The following IGFN1 variants were observed in gnomAD, a reference collection of about 807,000 sequenced individuals.
IGFN1 encodes the protein immunoglobulin-like and fibronectin type III domain-containing protein 1.
Under a neutral mutation model 289.5 loss-of-function variants are expected in IGFN1, and 253 were observed. The ratio of observed to expected loss-of-function variants is 0.87; its 90% CI spans 0.79 to 0.97. IGFN1 has a LOEUF of 0.97. Ranked by LOEUF, IGFN1 falls within the 50% of genes least tolerant of loss-of-function variation. IGFN1 has a pLI of 0.00. For missense variants in IGFN1, 4,470 were observed against 4,686.1 expected, an observed-to-expected ratio of 0.95 and a Z score of 1.35; for synonymous variants, 1,706 against 1,788.5, an observed-to-expected ratio of 0.95 and a Z score of 1.16.
rs995510775 is a variant in IGFN1 at position 201,212,624 on chromosome 1, TG to T, written c.7735del (p.Asp2579ThrfsTer9). On this transcript the variant is annotated frameshift_variant, in exon 12 of 24. Coordinates refer to ENST00000335211, the MANE Select transcript of IGFN1 (RefSeq NM_001164586.2). LOFTEE classifies it high-confidence loss of function. Reference sequence around the variant, plus strand: ...AGGGGGGGTTGGCATCTCAGGGAGGTGGGGACTCACTTTTGGGAGGCAGAAG... The same window carrying T: ...AGGGGGGGTTGGCATCTCAGGGAGGTGGGACTCACTTTTGGGAGGCAGAAG... The part of the protein sequence containing the change: ...GQGGLASQGG[G>X]DSLLGGRRVG... 1.3e-6 allele frequency: 2 copies of T among 1,539,736 alleles called. No individual in the cohort carries two copies. Among genetic ancestry groups the T allele is most frequent in the African/African-American group, 2.8e-5 (2 of 71,610 alleles).
At chr1:201,223,607 A>G (rs1159552315) in intron 20 of IGFN1, among the ~76,000 whole-genome samples, 1 of 152,034 alleles carries the variant, frequency 6.6e-6, no homozygotes, top group Admixed American at 6.6e-5. Context: ...TCCTGACCTC[A>G]CGTAGTCTGC....
At position 201,207,573 on chromosome 1, in the gene IGFN1, C is replaced by T. The variant is rs1461854438; in HGVS notation, c.2680C>T (p.Pro894Ser). The T allele has an allele frequency of 2.0e-6, 3 of 1,536,752 alleles. No homozygotes were observed. The highest frequency in any genetic ancestry group is 1.4e-5 in the African/African-American group (1 of 72,950). The change falls in exon 12 of 24, where the codon CCA becomes TCA. Residue 894 changes from proline to serine, a missense_variant. This residue lies in a region of IGFN1 where 2,011 missense variants were observed against 1,953.4 expected (regional missense o/e 1.03). Transcript: ENST00000335211. ...CAGAAGCCACTGGCTAAGTAGGGCT[C>T]CAGGCCTGGGTGCTCAGGGATCTGG... ...DARSHWLSRA[P>S]GLGAQGSGGT...
chr1:201,206,816 G>A lies in IGFN1; in HGVS notation c.1923G>A (p.Gly641=), dbSNP rs778950295. ...QDDSLAEMDR[G]DAPSRERGRG... is the part of the protein sequence containing the mutation. The stretch of plus-strand genomic sequence containing the variant: ...ACAGCCTGGCTGAGATGGACAGAGG[G>A]GATGCTCCAAGTAGGGAAAGGGGGA... Residue 641 remains glycine, a synonymous_variant, in exon 12 of 24, where the codon GGG becomes GGA. Transcript: ENST00000335211. 8 of 1,536,992 alleles carry A rather than the reference G, an allele frequency of 5.2e-6. No individual in the cohort carries two copies. Among genetic ancestry groups the A allele is most frequent in the Admixed American group, 2.0e-5 (1 of 50,994 alleles).
Position 201,216,441 on chromosome 1 carries a change from T to G in IGFN1, c.9296-13T>G. 1 of 1,534,612 alleles carries G rather than the reference T, an allele frequency of 6.5e-7. No homozygotes were observed. The highest frequency in any genetic ancestry group is 8.7e-7 in the Non-Finnish European group (1 of 1,145,664). ...GACCCCTCCTCTTCCCGCTCCTCTC[T>G]GTGGGTCCCCAGACAAGCCTGATCC... On this transcript the variant is annotated splice_polypyrimidine_tract_variant and intron_variant, in intron 15 of 23. Transcript: ENST00000335211.
rs1394245031 is a variant in IGFN1, at chr1:201,206,704, G to A, written c.1811G>A (p.Gly604Glu). The A allele has an allele frequency of 1.3e-6, 2 of 1,536,938 alleles. No homozygotes were observed. The highest frequency in any genetic ancestry group is 1.7e-6 in the Non-Finnish European group (2 of 1,146,912). ...EQLWDARLGP[G>E]RGKSDLQGCQ... Reference sequence around the variant, plus strand: ...CTGTGGGATGCTCGACTGGGACCTGGGAGAGGAAAGAGCGACCTGCAGGGA... The same window carrying A: ...CTGTGGGATGCTCGACTGGGACCTGAGAGAGGAAAGAGCGACCTGCAGGGA... Residue 604 changes from glycine (G) to glutamate (E), a missense_variant, in exon 12 of 24, where the codon GGG (glycine) becomes GAG (glutamate). Gly to Glu is a moderately conservative substitution (Grantham distance 98, BLOSUM62 -2). Transcript: ENST00000335211.
At position 201,212,902 on chromosome 1, in the gene IGFN1, G is replaced by T. The variant is rs558891833; in HGVS notation, c.8009G>T (p.Gly2670Val). Reference protein sequence around the residue: ...AFGGTHEGPGGFKGGEGAPGQ... With the variant: ...AFGGTHEGPGVFKGGEGAPGQ... ...GGTGGGACCCATGAAGGGCCAGGGG[G>T]CTTTAAGGGTGGGGAGGGTGCACCA... The change falls in exon 12 of 24, where the codon GGC becomes GTC. Residue 2670 changes from glycine to valine, a missense_variant. Coordinates refer to ENST00000335211, the MANE Select transcript of IGFN1 (RefSeq NM_001164586.2). 4 of 1,551,456 alleles carry T rather than the reference G, an allele frequency of 2.6e-6. No individual in the cohort carries two copies. The highest frequency in any genetic ancestry group is 8.7e-7 in the Non-Finnish European group (1 of 1,146,972).
intron 3 of IGFN1, among the ~76,000 whole-genome samples, chr1:201,194,679 C>A (rs926017025): frequency 5.3e-5 from 8 of 152,212 alleles, no homozygotes; most frequent in Non-Finnish European, 1.2e-4. Context: ...GGCAGCAGCA[C>A]CTGCTGTGGC....
chr1:201,197,131 C>T (rs1666954008), intron 4 of IGFN1, 87 bp from the exon 5 acceptor site: 1 of 794,508 alleles, frequency 1.3e-6, no homozygotes, highest in Non-Finnish European at 2.1e-6. Context: ...GTCTTACTCA[C>T]TTTATACCCC....
rs1667720034 is a variant in IGFN1, at chr1:201,210,776, T to C, written c.5883T>C (p.Gly1961=). ...AAATGGGGTCAGTGAATAAGGCAGG[T>C]TATAGGAAGGATTTGGGGGCTCCTA... The part of the protein sequence containing the change: ...SEEMGSVNKA[G]YRKDLGAPKG... Residue 1961 remains glycine (G), a synonymous_variant, in exon 12 of 24, where the codon GGT becomes GGC. Transcript: ENST00000335211. 2.0e-6 allele frequency: 3 copies of C among 1,528,106 alleles called. No individual in the cohort carries two copies. The highest frequency in any genetic ancestry group is 1.7e-6 in the Non-Finnish European group (2 of 1,143,852). 94.7% of individuals were successfully genotyped at this position (1,528,106 alleles called of 1,614,324 possible). A position where few individuals can be genotyped will look rare whatever the true frequency, so the allele number is the denominator to read the frequency against.
intron 20 of IGFN1, among the ~76,000 whole-genome samples, 196 bp from the exon 21 acceptor site, chr1:201,224,483 C>A (rs145337333): frequency 6.6e-6 from 1 of 152,160 alleles, no homozygotes; most frequent in African/African-American, 2.4e-5. Context: ...CTACCATACC[C>A]GCCTGCCAAC....
At position 201,225,314 on chromosome 1, in the gene IGFN1, T is replaced by A. The variant is rs146463290; in HGVS notation, c.10486+440T>A. On this transcript the variant is annotated intron_variant, in intron 21 of 23. Coordinates refer to ENST00000335211, the MANE Select transcript of IGFN1 (RefSeq NM_001164586.2). ...CAGAAATGATCAAATAGACTAACAG[T>A]GGGGGCTCTGTAATGCAGCTTCATG... 3.8e-3 allele frequency among the ~76,000 whole-genome samples: 584 copies of A among 152,288 alleles called. 4 individuals carry two copies. Among genetic ancestry groups the A allele is most frequent in the Admixed American group, 7.1e-3 (108 of 15,300 alleles).
At position 201,201,700 on chromosome 1, in the gene IGFN1, G is replaced by A. The variant is rs1558136631; in HGVS notation, c.634-19G>A. The A allele has an allele frequency of 4.5e-6, 6 of 1,322,068 alleles. No individual in the cohort carries two copies. Among genetic ancestry groups the A allele is most frequent in the East Asian group, 2.5e-5 (1 of 39,874 alleles). The allele number at this position is 1,322,068 out of a possible 1,614,324, so 81.9% of individuals were successfully genotyped here. ...AGAGCTTCATGAGCTCTCCTGCTGG[G>A]TGTTTGTCTGCTTTGTAGTACATCA... is the stretch of plus-strand genomic sequence containing the variant. On this transcript the variant is annotated intron_variant, in intron 8 of 23. Coordinates refer to ENST00000335211, the MANE Select transcript of IGFN1 (RefSeq NM_001164586.2).
chr1:201,195,767 A>T (rs892962982), intron 3 of IGFN1, 72 bp from the exon 4 acceptor site: 1 of 1,418,712 alleles, frequency 7.0e-7, no homozygotes, highest in African/African-American at 1.4e-5. Context: ...GATATAAATT[A>T]AAATTTAAAT....
chr1:201,212,709 G>C lies in IGFN1; in HGVS notation c.7816G>C (p.Gly2606Arg), dbSNP rs1213769885. 1.1e-5 allele frequency: 17 copies of C among 1,550,216 alleles called. No homozygotes were observed. Among genetic ancestry groups the C allele is most frequent in the African/African-American group, 1.4e-5 (1 of 73,012 alleles). ...GGATCTGGACAGCGGCTCTATGCCTGGGGGAAGGGGCAAGTCAACATCAGG... is the reference window on the plus strand; with the variant it reads ...GGATCTGGACAGCGGCTCTATGCCTCGGGGAAGGGGCAAGTCAACATCAGG... ...GQDLDSGSMP[G>R]GRGKSTSGPA... The change falls in exon 12 of 24, where the codon GGG becomes CGG. Residue 2606 changes from glycine (G) to arginine (R), a missense_variant. Gly to Arg is a moderately radical substitution (Grantham distance 125). This residue lies in a region of IGFN1 where 2,218 missense variants were observed against 2,114.1 expected (regional missense o/e 1.05). Coordinates refer to ENST00000335211, the MANE Select transcript of IGFN1 (RefSeq NM_001164586.2).
chr1:201,206,827 G>C lies in IGFN1; in HGVS notation c.1934G>C (p.Ser645Thr). 14 of 1,536,972 alleles carry C rather than the reference G, an allele frequency of 9.1e-6. No homozygotes were observed. The highest frequency in any genetic ancestry group is 1.2e-5 in the Non-Finnish European group (14 of 1,146,890). ...GAGATGGACAGAGGGGATGCTCCAA[G>C]TAGGGAAAGGGGGAGAGGAATAGTA... ...LAEMDRGDAP[S>T]RERGRGIVVW... Residue 645 changes from serine to threonine, a missense_variant, in exon 12 of 24, where the codon AGT becomes ACT. Transcript: ENST00000335211.
intron 18 of IGFN1, 25 bp downstream of exon 18, chr1:201,218,683 G>T: frequency 1.3e-6 from 2 of 1,592,188 alleles, no homozygotes; most frequent in Non-Finnish European, 1.7e-6. Context: ...AACCCAGGAT[G>T]GGGGTGGAGG....
In IGFN1 at chr1:201,212,219, C is replaced by T. The variant is rs750843334; in HGVS notation, c.7326C>T (p.Leu2442=). 5.3e-5 allele frequency: 81 copies of T among 1,533,786 alleles called. No individual in the cohort carries two copies. Among genetic ancestry groups the T allele is most frequent in the Non-Finnish European group, 6.8e-5 (78 of 1,145,478 alleles). ...TAGGMAHRDS[L]RGTGVLGSQG... ...GTGGCATGGCACACAGAGACAGCCT[C>T]AGGGGCACAGGGGTGCTGGGGTCTC... The change falls in exon 12 of 24, where the codon CTC becomes CTT. Residue 2442 remains leucine, a synonymous_variant. Coordinates refer to ENST00000335211, the MANE Select transcript of IGFN1 (RefSeq NM_001164586.2).
rs755634079 is a variant in IGFN1, at chr1:201,213,259, AG to A, written c.8369del (p.Gly2790ValfsTer5). ...CTGGAGGCTGAGAATGGTGAGGTCC[AG>A]GGTCCTGGGGCCCTAAAGGAGGATG... ...GSLEAENGEVQGPGALKEDEG... is the reference protein window; with the variant it reads ...GSLEAENGEVXGPGALKEDEG... On this transcript the variant is annotated frameshift_variant, in exon 12 of 24. Coordinates refer to ENST00000335211, the MANE Select transcript of IGFN1 (RefSeq NM_001164586.2). LOFTEE classifies it high-confidence loss of function. 1,023 of 1,552,682 alleles carry A rather than the reference AG, an allele frequency of 6.6e-4. No homozygotes were observed. The highest frequency in any genetic ancestry group is 1.1e-3 in the Admixed American group (57 of 51,018).
intron 19 of IGFN1, chr1:201,222,480 G>T: frequency 2.5e-6 from 1 of 407,810 alleles, no homozygotes; most frequent in Non-Finnish European, 4.4e-6. Flanking sequence ...TTCCAGCCTA[G>T]TCCACCCCTC....
Sources: gnomAD v4.1 joint callset for allele counts (sites outside exome capture counted in the v4.1 genomes callset) on GRCh38, gnomAD v4.1.1 for gene constraint, gnomAD v4.1.1 regional missense constraint, MANE v1.5 for transcripts, NCBI Gene and HGNC (gene_info 2026-07-23, HGNC 2026-07-21) for gene names.